Variants in STRA8 observed in about 807,000 individuals in gnomAD.
The protein encoded by STRA8 is stimulated by retinoic acid gene 8 protein homolog.
In STRA8, 18 loss-of-function variants were observed where a neutral mutation model predicts 37.1. The ratio of observed to expected loss-of-function variants is 0.48; its 90% CI spans 0.34 to 0.72. The LOEUF (loss-of-function observed/expected upper bound fraction) is 0.72, where lower values mean the gene tolerates loss of function less well. Among genes scored for constraint, STRA8 ranks in the 30% least tolerant of loss-of-function variants. The probability of loss-of-function intolerance (pLI) is 0.01; values close to 1 mark genes in which losing one functional copy is unlikely to be tolerated. For synonymous variants in STRA8, 168 were observed against 162.9 expected (o/e 1.03, Z -0.24); for missense variants, 357 against 410.4 (o/e 0.87, Z 1.13).
chr7:135,246,325 GCCTGCGTGCTGGGGT>G lies in STRA8; in HGVS notation c.594-89_594-75del. 1 of 1,519,116 alleles carries G rather than the reference GCCTGCGTGCTGGGGT, an allele frequency of 6.6e-7. No individual in the cohort carries two copies. Among genetic ancestry groups the G allele is most frequent in the African/African-American group, 1.4e-5 (1 of 72,182 alleles). 94.1% of individuals were successfully genotyped at this position (1,519,116 alleles called of 1,614,324 possible). A position where few individuals can be genotyped will look rare whatever the true frequency, so the allele number is the denominator to read the frequency against. ...TGGTGAGCCGTGGCGCCGTGGCCGG[GCCTGCGTGCTGGGGT>G]CCACACCATGAACCGAATCCCGAAT... is the stretch of plus-strand genomic sequence containing the variant. On this transcript the variant is annotated intron_variant, in intron 5 of 8. Coordinates refer to ENST00000662584, the MANE Select transcript of STRA8 (RefSeq NM_001394401.1). This position sits in a 1 kb window ranked among gnomAD's most constrained non-coding sequence, Gnocchi z 5.4.
intron 1 of STRA8, among the ~76,000 whole-genome samples, chr7:135,237,222 G>A (rs1158649888): frequency 6.6e-6 from 1 of 152,178 alleles, no homozygotes; most frequent in Non-Finnish European, 1.5e-5. Flanking sequence ...AGTTTTCAAG[G>A]CTATTAAAAT....
In STRA8 at chr7:135,246,565, G is replaced by A; in HGVS notation, c.742G>A (p.Ala248Thr). 1 of 1,559,374 alleles carries A rather than the reference G, an allele frequency of 6.4e-7. No individual in the cohort carries two copies. The change falls in exon 6 of 9, where the codon GCC becomes ACC. Residue 248 changes from alanine (A) to threonine (T), a missense_variant. Transcript: ENST00000662584. This position sits in a 1 kb window ranked among gnomAD's most constrained non-coding sequence, Gnocchi z 5.4. ...SEERKASLRQ[A>T]WAQKHRGPAT... ...GGAGAGGAAGGCCAGCCTCCGGCAG[G>A]CCTGGGCGCAGAAGCACCGCGGCCC...
At chr7:135,233,768 G>A (rs1476567881), upstream of STRA8, among the ~76,000 whole-genome samples, 1 of 152,158 alleles carries the variant, frequency 6.6e-6, no homozygotes, top group Non-Finnish European at 1.5e-5. Context: ...GGACAGGGCC[G>A]CGATTGGTCC....
rs1214547189 is a variant in STRA8 at position 135,246,036 on chromosome 7, C to CT, written c.594-378dup. ...AGGCTCTCTCCACAGCCGAGCCTGA[C>CT]TTTCGGGCTGCAGGTTAAAGTTGGA... On this transcript the variant is annotated intron_variant, in intron 5 of 8. Transcript: ENST00000662584. The surrounding 1 kb of genome is among the most constrained non-coding windows in gnomAD (Gnocchi z 5.4). 1 of 270,604 alleles carries CT rather than the reference C, an allele frequency of 3.7e-6. No individual in the cohort carries two copies. The allele number at this position is 270,604 out of a possible 1,614,324, so 16.8% of individuals were successfully genotyped here. A position where few individuals can be genotyped will look rare whatever the true frequency, so the allele number is the denominator to read the frequency against.
intron 2 of STRA8, among the ~76,000 whole-genome samples, chr7:135,241,488 ACT>A (rs1832463700): frequency 1.3e-5 from 2 of 151,366 alleles, no homozygotes; most frequent in Admixed American, 6.6e-5. Context: ...CCCACCCCAC[ACT>A]CTGGCCACAT....
intron 6 of STRA8, among the ~76,000 whole-genome samples, chr7:135,248,840 C>T (rs1832601186): frequency 6.6e-6 from 1 of 152,212 alleles, no homozygotes; most frequent in African/African-American, 2.4e-5. Flanking sequence ...AATGGCCTAC[C>T]AGCTACTGCC....
At chr7:135,257,647 G>A (rs548470013) in intron 8 of STRA8, among the ~76,000 whole-genome samples, 6 of 152,026 alleles carry the variant, frequency 3.9e-5, no homozygotes, top group African/African-American at 1.4e-4. Context: ...GGCTGGTCTC[G>A]AACTCCTAAC....
In STRA8 at chr7:135,235,434, T is replaced by A. The variant is rs117046675; in HGVS notation, c.-7+1531T>A. 2.1e-4 allele frequency among the ~76,000 whole-genome samples: 31 copies of A among 144,748 alleles called. No individual in the cohort carries two copies. In the East Asian group the frequency reaches 6.6e-3, roughly 31 times the overall value. The allele number at this position is 144,748 out of a possible 152,430, so 95.0% of individuals were successfully genotyped here. ...ATTGCTCCAGATACTCATAGAATCA[T>A]GAGCATGACTTTTTTTTTTTTTTTA... On this transcript the variant is annotated intron_variant, in intron 1 of 8. Transcript: ENST00000662584.
chr7:135,234,924 T>C (rs996345645), intron 1 of STRA8, among the ~76,000 whole-genome samples: 3 of 152,238 alleles, frequency 2.0e-5, no homozygotes, highest in Non-Finnish European at 2.9e-5. Flanking sequence ...TCACCCAGAC[T>C]GGAGTGCAGT....
At position 135,246,465 on chromosome 7, in the gene STRA8, G is replaced by T. The variant is rs1299087141; in HGVS notation, c.642G>T (p.Gly214=). The stretch of plus-strand genomic sequence containing the variant: ...CGATGGACCTTCTGACTGGCAGCGG[G>T]ATCATTACCCCGCAGGAGGCGGCGC... ...KQTMDLLTGS[G]IITPQEAALP... is the part of the protein sequence containing the mutation. The change falls in exon 6 of 9, where the codon GGG becomes GGT. Residue 214 remains glycine (G), a synonymous_variant. Coordinates refer to ENST00000662584, the MANE Select transcript of STRA8 (RefSeq NM_001394401.1). The surrounding 1 kb of genome is among the most constrained non-coding windows in gnomAD (Gnocchi z 5.4). 17 of 1,598,564 alleles carry T rather than the reference G, an allele frequency of 1.1e-5. No individual in the cohort carries two copies. The highest frequency in any genetic ancestry group is 1.5e-5 in the Non-Finnish European group (17 of 1,172,086).
intron 1 of STRA8, among the ~76,000 whole-genome samples, chr7:135,236,190 G>A (rs958182192): frequency 7.2e-5 from 11 of 151,966 alleles, no homozygotes; most frequent in Admixed American, 3.9e-4. Flanking sequence ...GGAGGCTGAC[G>A]CGGGAGGTTC....
Position 135,243,420 on chromosome 7 carries a change from C to A in STRA8, c.353+10C>A, listed in dbSNP as rs1443058250. On this transcript the variant is annotated intron_variant, in intron 4 of 8. Transcript: ENST00000662584. ...ATTCTGGAAATGACAGGTAAGACAC[C>A]ACAAACCCCAGGAAGCTGGGGACCT... is the stretch of plus-strand genomic sequence containing the variant. 2 of 1,613,558 alleles carry A rather than the reference C, an allele frequency of 1.2e-6. No individual in the cohort carries two copies. Among genetic ancestry groups the A allele is most frequent in the South Asian group, 1.1e-5 (1 of 91,022 alleles).
In STRA8 at chr7:135,246,712, C is replaced by G. The variant is rs758929773; in HGVS notation, c.879+10C>G. The G allele has an allele frequency of 6.6e-7, 1 of 1,510,268 alleles. No homozygotes were observed. The highest frequency in any genetic ancestry group is 8.8e-7 in the Non-Finnish European group (1 of 1,137,838). 93.6% of individuals were successfully genotyped at this position (1,510,268 alleles called of 1,614,324 possible). On this transcript the variant is annotated intron_variant, in intron 6 of 8. Transcript: ENST00000662584. This position sits in a 1 kb window ranked among gnomAD's most constrained non-coding sequence, Gnocchi z 5.4. ...CTCCACGCCCGAGGAGGTGAGCAGGCCCACCGGGGTGGCGTGGATGGGGCA... is the reference window on the plus strand; with the variant it reads ...CTCCACGCCCGAGGAGGTGAGCAGGGCCACCGGGGTGGCGTGGATGGGGCA...
chr7:135,252,036 G>GTGTGTGTGTGTGTGTGTT (rs1832644759), intron 7 of STRA8, among the ~76,000 whole-genome samples, 167 bp downstream of exon 7: 1 of 151,686 alleles, frequency 6.6e-6, no homozygotes, highest in Non-Finnish European at 1.5e-5. Context: ...GTGTGTGTGT[G>GTGTGTGTGTGTGTGTGTT]TGTGTGTGTG....
intron 1 of STRA8, among the ~76,000 whole-genome samples, chr7:135,239,616 G>A (rs1457958848): frequency 6.6e-6 from 1 of 152,146 alleles, no homozygotes; most frequent in Admixed American, 6.5e-5. Context: ...GTAGATCTCT[G>A]AGTAGTGGGG....
At chr7:135,251,305 AC>A (rs1186794120) in intron 6 of STRA8, among the ~76,000 whole-genome samples, 2 of 152,222 alleles carry the variant, frequency 1.3e-5, no homozygotes, top group African/African-American at 4.8e-5. Flanking sequence ...GTCCCAGGTC[AC>A]ACAGCTAGCA....
At chr7:135,251,755 C>A in intron 6 of STRA8, 41 bp from the exon 7 acceptor site, 1 of 1,604,314 alleles carries the variant, frequency 6.2e-7, no homozygotes, top group South Asian at 1.1e-5. Context: ...ATGAAATTGT[C>A]AAGTTATTTC....
chr7:135,258,584 TC>T lies in STRA8; in HGVS notation c.*94del, dbSNP rs34740101. 4,988 of 1,009,700 alleles carry T rather than the reference TC, an allele frequency of 4.9e-3. 151 individuals carry two copies. In the African/African-American group the frequency reaches 0.069, roughly 14 times the overall value. 62.5% of individuals were successfully genotyped at this position (1,009,700 alleles called of 1,614,324 possible). ...AGCTAAGGTTGCACCTGCCTTGGCC[TC>T]CAGGACTCTTTGGAGTGGGTTGTTC... On this transcript the variant is annotated 3_prime_UTR_variant, in exon 9 of 9. Coordinates refer to ENST00000662584, the MANE Select transcript of STRA8 (RefSeq NM_001394401.1).
At chr7:135,243,876 T>C (rs532241735) in intron 4 of STRA8, among the ~76,000 whole-genome samples, 3 of 152,214 alleles carry the variant, frequency 2.0e-5, no homozygotes, top group Non-Finnish European at 4.4e-5. Context: ...TCTCAGTCTA[T>C]ATTCCAAGCC....
Sources: allele counts gnomAD v4.1 joint callset (sites outside exome capture counted in the v4.1 genomes callset), GRCh38; gene constraint gnomAD v4.1.1; non-coding constraint Gnocchi (gnomAD v3.1); transcripts MANE v1.5; gene names NCBI Gene and HGNC (gene_info 2026-07-23, HGNC 2026-07-21).